Variants in NDUFS1 observed in about 807,000 individuals in gnomAD.
NDUFS1 encodes the protein NADH:ubiquinone oxidoreductase core subunit S1.
In NDUFS1, 61 loss-of-function variants were observed where a neutral mutation model predicts 84.4. The ratio of observed to expected loss-of-function variants is 0.72; its 90% CI spans 0.59 to 0.89. The LOEUF (loss-of-function observed/expected upper bound fraction) is 0.89. Among genes scored for constraint, NDUFS1 ranks in the 40% least tolerant of loss-of-function variants. NDUFS1 has a pLI of 0.00. For missense variants in NDUFS1, 891 were observed against 890.0 expected, an observed-to-expected ratio of 1.00 and a Z score of -0.01; for synonymous variants, 275 against 290.0, an observed-to-expected ratio of 0.95 and a Z score of 0.53.
In NDUFS1 at chr2:206,120,601, T is replaced by A. The variant is rs903084075; in HGVS notation, c.*3584A>T. The A allele has an allele frequency of 2.0e-5, 3 of 152,400 alleles. No individual in the cohort carries two copies. Among genetic ancestry groups the A allele is most frequent in the Non-Finnish European group, 4.4e-5 (3 of 68,212 alleles). The allele number at this position is 152,400 out of a possible 1,614,324, so 9.4% of individuals were successfully genotyped here. A position where few individuals can be genotyped will look rare whatever the true frequency, so the allele number is the denominator to read the frequency against. Reference sequence around the variant, plus strand: ...AACTTAAGAGTGATGACTTAGGGTATCAGGGTATCTGGCAGAAGAAATTTC... The same window carrying A: ...AACTTAAGAGTGATGACTTAGGGTAACAGGGTATCTGGCAGAAGAAATTTC... On this transcript the variant is annotated 3_prime_UTR_variant, in exon 19 of 19. Transcript: ENST00000233190.
chr2:206,147,683 T>G, intron 6 of NDUFS1, 22 bp from the exon 7 acceptor site: 1 of 1,613,782 alleles, frequency 6.2e-7, no homozygotes, highest in Non-Finnish European at 8.5e-7. Context: ...TATGAAAGAG[T>G]CAATCTCATG....
intron 1 of NDUFS1, among the ~76,000 whole-genome samples, chr2:206,155,092 G>A (rs886775522): frequency 6.6e-6 from 1 of 151,598 alleles, no homozygotes; most frequent in African/African-American, 2.4e-5. Flanking sequence ...ACCATGCCAG[G>A]CTAATTTTTG....
chr2:206,141,874 T>A, intron 12 of NDUFS1, 67 bp downstream of exon 12: 1 of 1,414,782 alleles, frequency 7.1e-7, no homozygotes, highest in Non-Finnish European at 9.8e-7. Context: ...GAAGATGCCA[T>A]TTTTCACATA....
intron 10 of NDUFS1, among the ~76,000 whole-genome samples, chr2:206,143,738 T>C (rs1247333147): frequency 6.6e-6 from 1 of 152,148 alleles, no homozygotes; most frequent in Non-Finnish European, 1.5e-5. Context: ...TATTACTCCT[T>C]ATATAATTAC....
At position 206,124,250 on chromosome 2, in the gene NDUFS1, T is replaced by C. The variant is rs775839833; in HGVS notation, c.2119A>G (p.Met707Val). The C allele has an allele frequency of 6.2e-7, 1 of 1,612,922 alleles. No individual in the cohort carries two copies. Among genetic ancestry groups the C allele is most frequent in the Non-Finnish European group, 8.5e-7 (1 of 1,179,000 alleles). The change falls in exon 19 of 19, where the codon ATG (methionine) becomes GTG (valine). Residue 707 changes from methionine to valine, a missense_variant. Met to Val is a conservative substitution (Grantham distance 21). Coordinates refer to ENST00000233190, the MANE Select transcript of NDUFS1 (RefSeq NM_005006.7). Reference protein sequence around the residue: ...TDSISRASQTMAKCVKAVTEG... With the variant: ...TDSISRASQTVAKCVKAVTEG... ...GTGACAGCTTTGACACATTTGGCCA[T>C]TGTCTGTGAGGCTCTGCTAATTGAA...
intron 13 of NDUFS1, 43 bp from the exon 14 acceptor site, chr2:206,133,148 G>T: frequency 6.7e-7 from 1 of 1,503,134 alleles, no homozygotes; most frequent in Non-Finnish European, 9.1e-7. Flanking sequence ...AATATTACAA[G>T]TAAGCTGAAC....
chr2:206,134,104 A>C (rs1327359158), intron 13 of NDUFS1, among the ~76,000 whole-genome samples: 2 of 152,246 alleles, frequency 1.3e-5, no homozygotes, highest in African/African-American at 4.8e-5. Context: ...AATTATGCTG[A>C]TATATTATAA....
chr2:206,147,043 G>C lies in NDUFS1; in HGVS notation c.597C>G (p.Gly199=). 6.2e-7 allele frequency: 1 copy of C among 1,614,016 alleles called. No individual in the cohort carries two copies. Among genetic ancestry groups the C allele is most frequent in the Non-Finnish European group, 8.5e-7 (1 of 1,179,996 alleles). Residue 199 remains glycine (G), a synonymous_variant, in exon 8 of 19, where the codon GGC becomes GGG. Transcript: ENST00000233190. ...IAGVDDLGTT[G]RGNDMQVGTY... ...TGCCAACTTGCATATCATTTCCTCT[G>C]CCTGTTGTTCCCAAATCATCTACTC...
intron 18 of NDUFS1, among the ~76,000 whole-genome samples, chr2:206,125,784 T>C (rs192188317): frequency 6.6e-5 from 10 of 152,218 alleles, no homozygotes; most frequent in African/African-American, 2.4e-4. Flanking sequence ...CCAAGACTTA[T>C]CTTTTCTGCA....
At position 206,147,442 on chromosome 2, in the gene NDUFS1, C is replaced by T. The variant is rs537387918; in HGVS notation, c.551+89G>A. ...CTCTTCTCCCACCCAAAAAAAGTAGCCATTCTTTCCAATGTTATTATTCAT... is the reference window on the plus strand; with the variant it reads ...CTCTTCTCCCACCCAAAAAAAGTAGTCATTCTTTCCAATGTTATTATTCAT... On this transcript the variant is annotated intron_variant, in intron 7 of 18. Coordinates refer to ENST00000233190, the MANE Select transcript of NDUFS1 (RefSeq NM_005006.7). 8.8e-5 allele frequency: 118 copies of T among 1,333,518 alleles called. 1 individual carries two copies. In the African/African-American group the frequency reaches 1.5e-3, roughly 17 times the overall value. The allele number at this position is 1,333,518 out of a possible 1,614,324, so 82.6% of individuals were successfully genotyped here.
At chr2:206,143,541 C>A (rs547933968) in intron 10 of NDUFS1, among the ~76,000 whole-genome samples, 2 of 151,920 alleles carry the variant, frequency 1.3e-5, no homozygotes, top group East Asian at 3.9e-4. Flanking sequence ...AGCTTATATT[C>A]ATTCTCAGAT....
rs1280945794 is a variant in NDUFS1 at position 206,117,039 on chromosome 2, T to A, written c.*7146A>T. The A allele has an allele frequency of 2.0e-5, 3 of 151,128 alleles. No homozygotes were observed. The highest frequency in any genetic ancestry group is 1.9e-4 in the East Asian group (1 of 5,140). 9.4% of individuals were successfully genotyped at this position (151,128 alleles called of 1,614,324 possible). ...GTCTCAGAAAAAAAAAATAAATAAA[T>A]AAAAATTAGTGGGGCATGGTGGCTC... On this transcript the variant is annotated 3_prime_UTR_variant, in exon 19 of 19. Transcript: ENST00000233190.
chr2:206,117,832 A>G lies in NDUFS1; in HGVS notation c.*6353T>C, dbSNP rs1033908152. 6.6e-6 allele frequency: 1 copy of G among 152,212 alleles called. No individual in the cohort carries two copies. The highest frequency in any genetic ancestry group is 2.4e-5 in the African/African-American group (1 of 41,456). 9.4% of individuals were successfully genotyped at this position (152,212 alleles called of 1,614,324 possible). A position where few individuals can be genotyped will look rare whatever the true frequency, so the allele number is the denominator to read the frequency against. On this transcript the variant is annotated 3_prime_UTR_variant, in exon 19 of 19. Coordinates refer to ENST00000233190, the MANE Select transcript of NDUFS1 (RefSeq NM_005006.7). ...ATTCTTTCTGGCCTCCATTTCCACA[A>G]TTATAAAATGCAGGTATAATACTAA...
chr2:206,126,510 T>C, intron 18 of NDUFS1, 29 bp downstream of exon 18: 1 of 1,602,984 alleles, frequency 6.2e-7, no homozygotes, highest in Non-Finnish European at 8.5e-7. Context: ...CCTTTCGTAT[T>C]TGGCAGAGTC....
rs1002957156 is a variant in NDUFS1, at chr2:206,115,210, T to C, written c.*8975A>G. The C allele has an allele frequency of 2.0e-5, 3 of 152,318 alleles. No homozygotes were observed. The highest frequency in any genetic ancestry group is 2.1e-4 in the South Asian group (1 of 4,832). The allele number at this position is 152,318 out of a possible 1,614,324, so 9.4% of individuals were successfully genotyped here. Reference sequence around the variant, plus strand: ...ACAAGTTAAGACTTTTTAGGGGCTATTGGGATGGAATGAATTTATTTTGCA... The same window carrying C: ...ACAAGTTAAGACTTTTTAGGGGCTACTGGGATGGAATGAATTTATTTTGCA... On this transcript the variant is annotated 3_prime_UTR_variant, in exon 19 of 19. Coordinates refer to ENST00000233190, the MANE Select transcript of NDUFS1 (RefSeq NM_005006.7).
rs1690916347 is a variant in NDUFS1 at position 206,115,352 on chromosome 2, C to G, written c.*8833G>C. The G allele has an allele frequency of 1.3e-5, 2 of 153,862 alleles. No individual in the cohort carries two copies. The highest frequency in any genetic ancestry group is 6.5e-5 in the Admixed American group (1 of 15,334). 9.5% of individuals were successfully genotyped at this position (153,862 alleles called of 1,614,324 possible). A position where few individuals can be genotyped will look rare whatever the true frequency, so the allele number is the denominator to read the frequency against. On this transcript the variant is annotated 3_prime_UTR_variant, in exon 19 of 19. Transcript: ENST00000233190. The stretch of plus-strand genomic sequence containing the variant: ...AATGCAACAGGGTTGGGAGGCGGAG[C>G]CTTCTGGGAGATGATTAGGTCACAA...
At chr2:206,148,638 T>A (rs1683178554) in intron 5 of NDUFS1, among the ~76,000 whole-genome samples, 2 of 152,190 alleles carry the variant, frequency 1.3e-5, no homozygotes, top group South Asian at 4.1e-4. Flanking sequence ...ATAAAGAAAA[T>A]TGTAACTTTT....
At chr2:206,126,459 T>C (rs1468274177) in intron 18 of NDUFS1, 80 bp downstream of exon 18, 2 of 1,282,946 alleles carry the variant, frequency 1.6e-6, no homozygotes, top group African/African-American at 2.9e-5. Context: ...AATCACAAAT[T>C]GGAATTATAA....
rs1690927040 is a variant in NDUFS1, at chr2:206,115,738, A to G, written c.*8447T>C. 2.5e-6 allele frequency: 1 copy of G among 404,886 alleles called. No homozygotes were observed. Among genetic ancestry groups the G allele is most frequent in the Non-Finnish European group, 4.7e-6 (1 of 211,138 alleles). 25.1% of individuals were successfully genotyped at this position (404,886 alleles called of 1,614,324 possible). A position where few individuals can be genotyped will look rare whatever the true frequency, so the allele number is the denominator to read the frequency against. ...ATTTCCAATGGAAAGATCATTAAGT[A>G]TTTCATCCCAAGTCCAGGTATGGAC... On this transcript the variant is annotated 3_prime_UTR_variant, in exon 19 of 19. Coordinates refer to ENST00000233190, the MANE Select transcript of NDUFS1 (RefSeq NM_005006.7).
Sources: allele counts gnomAD v4.1 joint callset (sites outside exome capture counted in the v4.1 genomes callset), GRCh38; gene constraint gnomAD v4.1.1; transcripts MANE v1.5; gene names NCBI Gene and HGNC (gene_info 2026-07-23, HGNC 2026-07-21).